Variants in GULP1 observed in about 807,000 individuals in gnomAD.
GULP1 encodes PTB domain-containing engulfment adapter protein 1.
GULP1 carries 19 observed loss-of-function variants against 40.9 expected under a neutral mutation model. That is an observed-to-expected ratio of 0.46 (90% CI 0.32 to 0.68). GULP1 has a LOEUF of 0.68. Ranked by LOEUF, GULP1 falls within the 30% of genes least tolerant of loss-of-function variation. The pLI, the probability that GULP1 is intolerant of heterozygous loss-of-function variation, is 0.03. For missense variants in GULP1, 312 were observed against 362.2 expected (o/e 0.86, Z 1.12); for synonymous variants, 119 against 117.6 (o/e 1.01, Z -0.08).
intron 1 of GULP1, among the ~76,000 whole-genome samples, chr2:188,371,234 A>G (rs1254779997): frequency 6.6e-6 from 1 of 152,154 alleles, no homozygotes; most frequent in African/African-American, 2.4e-5. Context: ...AGGTATTAAT[A>G]GAAAACAATA....
Position 188,406,226 on chromosome 2 carries a change from CTGTACAGCA to C in GULP1, c.-45+22344_-45+22352del, listed in dbSNP as rs2053075566. On this transcript the variant is annotated intron_variant, in intron 2 of 11. Transcript: ENST00000409830. The stretch of plus-strand genomic sequence containing the variant: ...AGCCTATTGCTCCTAGGCTACAAAC[CTGTACAGCA>C]TGTACATACTGACTATATGCAGAAT... Among the ~76,000 whole-genome samples, 10 of 152,256 alleles carry C rather than the reference CTGTACAGCA, an allele frequency of 6.6e-5. No homozygotes were observed. The South Asian group carries it at 2.1e-3, about 32-fold the overall frequency.
At chr2:188,388,383 A>G (rs1191137948) in intron 2 of GULP1, among the ~76,000 whole-genome samples, 3 of 149,904 alleles carry the variant, frequency 2.0e-5, no homozygotes, top group Non-Finnish European at 3.0e-5. Context: ...AAAAAAAAAA[A>G]GTAGAAAAAC....
At chr2:188,403,252 AT>A (rs2052567007) in intron 2 of GULP1, among the ~76,000 whole-genome samples, 1 of 152,062 alleles carries the variant, frequency 6.6e-6, no homozygotes, top group African/African-American at 2.4e-5. Context: ...TTATAGTTTT[AT>A]TTACATGATT....
chr2:188,458,857 C>T lies in GULP1; in HGVS notation c.-44-18802C>T, dbSNP rs146289957. Among the ~76,000 whole-genome samples the T allele has an allele frequency of 1.8e-3, 280 of 152,178 alleles. 1 individual carries two copies. Among genetic ancestry groups the T allele is most frequent in the East Asian group, 0.017 (89 of 5,170 alleles). On this transcript the variant is annotated intron_variant, in intron 2 of 11. Transcript: ENST00000409830. ...ACCCCCATCCCTACACTCTGCTTCC[C>T]ATATCTGATACCCATGATTCTACTC... is the stretch of plus-strand genomic sequence containing the variant.
intron 2 of GULP1, among the ~76,000 whole-genome samples, chr2:188,411,830 C>G (rs1411000160): frequency 6.6e-6 from 1 of 152,222 alleles, no homozygotes; most frequent in African/African-American, 2.4e-5. Flanking sequence ...ATTCTGCCCA[C>G]TGGGAAGATT....
At chr2:188,500,198 A>G (rs1311660996) in intron 4 of GULP1, among the ~76,000 whole-genome samples, 9 of 151,876 alleles carry the variant, frequency 5.9e-5, no homozygotes, top group Admixed American at 3.9e-4. Flanking sequence ...CTGTCCACTC[A>G]TTTAGATTTG....
chr2:188,446,571 A>C (rs1033778123), intron 2 of GULP1, among the ~76,000 whole-genome samples: 1 of 152,140 alleles, frequency 6.6e-6, no homozygotes, highest in Non-Finnish European at 1.5e-5. Flanking sequence ...GGATTCTGCT[A>C]TTCTGACTGG....
At chr2:188,425,583 C>G (rs1349780569) in intron 2 of GULP1, among the ~76,000 whole-genome samples, 1 of 152,132 alleles carries the variant, frequency 6.6e-6, no homozygotes, top group Non-Finnish European at 1.5e-5. Flanking sequence ...AGCAGTTTTA[C>G]ATAACCGTTT....
intron 1 of GULP1, among the ~76,000 whole-genome samples, chr2:188,352,142 C>A (rs771867509): frequency 6.6e-6 from 1 of 152,074 alleles, no homozygotes; most frequent in East Asian, 1.9e-4. Flanking sequence ...GACTAGGTCA[C>A]GGTGTGCCTA....
At chr2:188,540,959 C>T (rs1393963235) in intron 6 of GULP1, among the ~76,000 whole-genome samples, 2 of 152,122 alleles carry the variant, frequency 1.3e-5, no homozygotes, top group African/African-American at 4.8e-5. Context: ...TTATGTTTTG[C>T]TCAGCACTAC....
intron 7 of GULP1, among the ~76,000 whole-genome samples, chr2:188,544,538 T>TAATA (rs1288627308): frequency 7.9e-5 from 12 of 151,124 alleles, no homozygotes; most frequent in East Asian, 1.9e-4. Flanking sequence ...AAAGTATTAT[T>TAATA]ATAATAATAA....
rs377137620 is a variant in GULP1, at chr2:188,402,664, T to G, written c.-45+18775T>G. 2.1e-4 allele frequency among the ~76,000 whole-genome samples: 32 copies of G among 152,166 alleles called. 1 individual carries two copies. Among genetic ancestry groups the G allele is most frequent in the African/African-American group, 7.7e-4 (32 of 41,536 alleles). On this transcript the variant is annotated intron_variant, in intron 2 of 11. Coordinates refer to ENST00000409830, the MANE Select transcript of GULP1 (RefSeq NM_016315.4). ...GACTTTCTCTATACAAAATTTTGGC[T>G]TAGTTAGGAGTACAAACTTGGCCTT...
chr2:188,408,301 T>C (rs549577010), intron 2 of GULP1, among the ~76,000 whole-genome samples: 11 of 152,256 alleles, frequency 7.2e-5, no homozygotes, highest in Non-Finnish European at 1.5e-4. Context: ...AAACTTCTAT[T>C]GTTTATTATT....
chr2:188,365,224 G>T (rs2046627160), intron 1 of GULP1, among the ~76,000 whole-genome samples: 1 of 151,358 alleles, frequency 6.6e-6, no homozygotes, highest in South Asian at 2.1e-4. Flanking sequence ...CAGTACACAT[G>T]GTCCTATACT....
intron 1 of GULP1, among the ~76,000 whole-genome samples, chr2:188,298,709 T>G (rs1299797181): frequency 6.6e-6 from 1 of 152,192 alleles, no homozygotes; most frequent in Non-Finnish European, 1.5e-5. Context: ...AAAATCTGAG[T>G]TATCATAGGT....
At chr2:188,430,209 A>G (rs1301960469) in intron 2 of GULP1, among the ~76,000 whole-genome samples, 1 of 152,226 alleles carries the variant, frequency 6.6e-6, no homozygotes, top group Non-Finnish European at 1.5e-5. Context: ...ATCCAGTGTG[A>G]TAATAAAAAG....
At chr2:188,541,366 A>G in intron 7 of GULP1, 48 bp downstream of exon 7, 1 of 1,538,152 alleles carries the variant, frequency 6.5e-7, no homozygotes, top group Non-Finnish European at 9.0e-7. Flanking sequence ...TTTATAAGCC[A>G]GGAATTGTCT....
chr2:188,346,006 A>T (rs941143199), intron 1 of GULP1, among the ~76,000 whole-genome samples: 1 of 152,232 alleles, frequency 6.6e-6, no homozygotes, highest in Non-Finnish European at 1.5e-5. Context: ...AATAGGGATC[A>T]TTCCTGCTTT....
At chr2:188,503,951 G>A (rs532944309) in intron 4 of GULP1, among the ~76,000 whole-genome samples, 1 of 151,870 alleles carries the variant, frequency 6.6e-6, no homozygotes, top group Admixed American at 6.6e-5. Context: ...TTTAATTTTA[G>A]GTTAAGATAT....
Sources: gnomAD v4.1 joint callset for allele counts (sites outside exome capture counted in the v4.1 genomes callset) on GRCh38, gnomAD v4.1.1 for gene constraint, MANE v1.5 for transcripts, NCBI Gene and HGNC (gene_info 2026-07-23, HGNC 2026-07-21) for gene names.